SBK1: variants seen among roughly 807,000 people sequenced by gnomAD.
SBK1 encodes the protein SH3 domain binding kinase 1.
In SBK1, 11 loss-of-function variants were observed where a neutral mutation model predicts 24.4. That is an observed-to-expected ratio of 0.45 (90% CI 0.28 to 0.75). The LOEUF (loss-of-function observed/expected upper bound fraction) is 0.75, where lower values mean the gene tolerates loss of function less well. SBK1 is among the 30% of genes least tolerant of loss of function. The pLI is 0.12. For missense variants in SBK1, 467 were observed against 620.5 expected (o/e 0.75, Z 2.63); for synonymous variants, 308 against 284.4 (o/e 1.08, Z -0.83).
intron 1 of SBK1, among the ~76,000 whole-genome samples, chr16:28,270,989 G>A (rs955329096): frequency 4.0e-5 from 6 of 151,670 alleles, no homozygotes; most frequent in East Asian, 3.9e-4. Context: ...TCAGCCTCCC[G>A]AGTAGCTGGG....
chr16:28,262,178 G>A (rs2044401934), intron 1 of SBK1, among the ~76,000 whole-genome samples: 4 of 152,300 alleles, frequency 2.6e-5, no homozygotes, highest in Admixed American at 2.0e-4. Context: ...GTGGGGCAAT[G>A]AGGCTGGGTG....
chr16:28,289,019 A>C (rs559246512), upstream of SBK1, among the ~76,000 whole-genome samples: 7 of 152,334 alleles, frequency 4.6e-5, no homozygotes, highest in South Asian at 1.4e-3. Context: ...ATAAGGAATC[A>C]GGGAAGGTTT....
In SBK1 at chr16:28,292,833, C is replaced by A; in HGVS notation, c.-475C>A. 1.0e-6 allele frequency: 1 copy of A among 984,800 alleles called. No individual in the cohort carries two copies. Among genetic ancestry groups the A allele is most frequent in the Non-Finnish European group, 1.2e-6 (1 of 829,342 alleles). 61.0% of individuals were successfully genotyped at this position (984,800 alleles called of 1,614,324 possible). On this transcript the variant is annotated 5_prime_UTR_variant, in exon 1 of 4. Transcript: ENST00000341901. ...GATCCGACACCGAGCGACTCCCCTG[C>A]GGGGAAAGCGGAGACTTCCTCGGTA...
chr16:28,313,589 C>T (rs946385794), intron 1 of SBK1, among the ~76,000 whole-genome samples: 1 of 122,424 alleles, frequency 8.2e-6, no homozygotes, highest in African/African-American at 2.7e-5. Flanking sequence ...CAGAGCGATA[C>T]CCTGTCTTAA....
chr16:28,297,046 T>A (rs1387581654), intron 1 of SBK1, among the ~76,000 whole-genome samples: 1 of 151,976 alleles, frequency 6.6e-6, no homozygotes, highest in Non-Finnish European at 1.5e-5. Context: ...CTAAAAAATA[T>A]TGGTCAGGTG....
chr16:28,313,994 C>A, intron 1 of SBK1, among the ~76,000 whole-genome samples: 1 of 124,164 alleles, frequency 8.1e-6, no homozygotes, highest in Non-Finnish European at 1.6e-5. Context: ...GAGAGAAAGC[C>A]GGTGATGATG....
chr16:28,321,149 C>G lies in SBK1; in HGVS notation c.*228C>G, dbSNP rs141080225. The stretch of plus-strand genomic sequence containing the variant: ...GGGGCTTGGCCCAGAGGAGCCAAGC[C>G]GCACAGACCCGAGAATTCGGAGGCC... On this transcript the variant is annotated 3_prime_UTR_variant, in exon 4 of 4. Coordinates refer to ENST00000341901, the MANE Select transcript of SBK1 (RefSeq NM_001024401.3). The G allele has an allele frequency of 2.9e-6, 1 of 347,378 alleles. No individual in the cohort carries two copies. Among genetic ancestry groups the G allele is most frequent in the Non-Finnish European group, 5.2e-6 (1 of 191,912 alleles). 21.5% of individuals were successfully genotyped at this position (347,378 alleles called of 1,614,324 possible). A position where few individuals can be genotyped will look rare whatever the true frequency, so the allele number is the denominator to read the frequency against.
chr16:28,274,470 T>A lies in SBK1; in HGVS notation c.257+14968T>A, dbSNP rs2044485008. 3.3e-5 allele frequency among the ~76,000 whole-genome samples: 5 copies of A among 152,140 alleles called. No homozygotes were observed. In the South Asian group the frequency reaches 1.0e-3, roughly 32 times the overall value. On this transcript the variant is annotated intron_variant, in intron 1 of 3. Coordinates refer to the SBK1 transcript ENST00000671413. ...TCCAAGACCAGCCTGGCCAACATGG[T>A]GAAACCCCGTCTCTACTAAAAATAC...
upstream of SBK1, among the ~76,000 whole-genome samples, chr16:28,289,040 T>C (rs1030728736): frequency 6.6e-6 from 1 of 152,120 alleles, no homozygotes; most frequent in East Asian, 1.9e-4. Context: ...CCGCAGAAGG[T>C]GGCCTTGAAC....
intron 1 of SBK1, among the ~76,000 whole-genome samples, chr16:28,314,891 A>G (rs1336225460): frequency 6.6e-6 from 1 of 150,740 alleles, no homozygotes; most frequent in Non-Finnish European, 1.5e-5. Context: ...AGGTGGGAGA[A>G]TTGTTTGAAC....
Position 28,320,420 on chromosome 16 carries a change from C to T in SBK1, c.774C>T (p.Gly258=), listed in dbSNP as rs1207450860. The part of the protein sequence containing the change: ...TGNFPWEAAS[G]ADAFFEEFVR... ...ACTTCCCGTGGGAGGCGGCGTCGGGCGCCGACGCCTTCTTCGAGGAGTTCG... is the reference window on the plus strand; with the variant it reads ...ACTTCCCGTGGGAGGCGGCGTCGGGTGCCGACGCCTTCTTCGAGGAGTTCG... The change falls in exon 4 of 4, where the codon GGC becomes GGT. Residue 258 remains glycine, a synonymous_variant. Transcript: ENST00000341901. This position sits in a 1 kb window ranked among gnomAD's most constrained non-coding sequence, Gnocchi z 8.5. 39 of 1,588,464 alleles carry T rather than the reference C, an allele frequency of 2.5e-5. No individual in the cohort carries two copies. Among genetic ancestry groups the T allele is most frequent in the Non-Finnish European group, 3.2e-5 (37 of 1,174,012 alleles).
chr16:28,272,776 C>T (rs1300687107), intron 1 of SBK1, among the ~76,000 whole-genome samples: 5 of 152,088 alleles, frequency 3.3e-5, no homozygotes, highest in Non-Finnish European at 2.9e-5. Flanking sequence ...CATGCCCCAC[C>T]ACGCCTGGCT....
At chr16:28,295,572 G>C (rs1280593114) in intron 1 of SBK1, among the ~76,000 whole-genome samples, 1 of 152,084 alleles carries the variant, frequency 6.6e-6, no homozygotes, top group Non-Finnish European at 1.5e-5. Flanking sequence ...GGTTTGTCTT[G>C]TCCATACTGC....
chr16:28,318,073 A>G (rs2044810646), intron 2 of SBK1, among the ~76,000 whole-genome samples: 1 of 152,162 alleles, frequency 6.6e-6, no homozygotes, highest in Non-Finnish European at 1.5e-5. Flanking sequence ...TGCAATCACC[A>G]TCTCTCAGGT....
At chr16:28,292,439 C>A, upstream of SBK1, 1 of 730,784 alleles carries the variant, frequency 1.4e-6, no homozygotes, top group Non-Finnish European at 1.7e-6. Context: ...GCGGGACGGA[C>A]AAAGGGGCGG....
At chr16:28,311,651 C>A (rs1214623316) in intron 1 of SBK1, among the ~76,000 whole-genome samples, 1 of 151,686 alleles carries the variant, frequency 6.6e-6, no homozygotes, top group Admixed American at 6.6e-5. Context: ...CTACAGTGAG[C>A]CATGATCTGC....
chr16:28,280,242 C>T (rs145173155), intron 1 of SBK1, among the ~76,000 whole-genome samples: 536 of 123,572 alleles, frequency 4.3e-3, no homozygotes, highest in African/African-American at 0.015. Context: ...TACATATATA[C>T]GTATATATCT....
intron 1 of SBK1, among the ~76,000 whole-genome samples, chr16:28,295,162 A>G (rs2141577228): frequency 6.6e-6 from 1 of 152,278 alleles, no homozygotes; most frequent in Non-Finnish European, 1.5e-5. Context: ...TGTCCAGGGC[A>G]AACTGTGAGG....
Position 28,293,310 on chromosome 16 carries a change from G to T in SBK1, c.-8+10G>T. ...CGCGGCCCCAGCCCAGGTAAGCCGG[G>T]CCCAGGTGAGGGGCGGCAGGTGAGT... is the stretch of plus-strand genomic sequence containing the variant. On this transcript the variant is annotated intron_variant, in intron 1 of 3. Transcript: ENST00000341901. The T allele has an allele frequency of 2.0e-6, 2 of 984,642 alleles. No homozygotes were observed. The allele number at this position is 984,642 out of a possible 1,614,324, so 61.0% of individuals were successfully genotyped here. A position where few individuals can be genotyped will look rare whatever the true frequency, so the allele number is the denominator to read the frequency against.
Sources: allele counts gnomAD v4.1 joint callset (sites outside exome capture counted in the v4.1 genomes callset), GRCh38; gene constraint gnomAD v4.1.1; non-coding constraint Gnocchi (gnomAD v3.1); transcripts MANE v1.5; gene names NCBI Gene and HGNC (gene_info 2026-07-23, HGNC 2026-07-21).